Variants in XRCC6 observed in about 807,000 individuals in gnomAD.
XRCC6 encodes X-ray repair cross complementing 6.
A neutral mutation model predicts 65.7 loss-of-function variants in XRCC6; 5 were observed. The observed-to-expected ratio is 0.08, with a 90% CI of 0.04 to 0.16. The LOEUF is 0.16. Ranked by LOEUF, XRCC6 falls within the 10% of genes least tolerant of loss-of-function variation. The probability of loss-of-function intolerance (pLI) is 1.00; values close to 1 mark genes in which losing one functional copy is unlikely to be tolerated. For missense variants in XRCC6, 447 were observed against 738.1 expected (o/e 0.61, Z 4.57); for synonymous variants, 270 against 270.6 (o/e 1.00, Z 0.02).
At chr22:41,635,764 T>A (rs132773) in intron 3 of XRCC6, among the ~76,000 whole-genome samples, 126,013 of 151,712 alleles carry the variant, frequency 0.83, 53,298 homozygotes, top group African/African-American at 0.95. Flanking sequence ...CTGGTCTCGA[T>A]CTCCTAGGGT....
intron 6 of XRCC6, among the ~76,000 whole-genome samples, chr22:41,641,845 T>C (rs932568365): frequency 6.6e-6 from 1 of 152,184 alleles, no homozygotes; most frequent in African/African-American, 2.4e-5. Flanking sequence ...CAGGTTAGAC[T>C]GCAATGGCGC....
intron 2 of XRCC6, 68 bp from the exon 3 acceptor site, chr22:41,628,046 CTTTA>C (rs1421196533): frequency 1.9e-5 from 20 of 1,032,654 alleles, no homozygotes; most frequent in Admixed American, 7.0e-5. Context: ...CCTTTATGGC[CTTTA>C]TTTATCTTAT....
At chr22:41,643,150 G>T (rs1012402060) in intron 6 of XRCC6, among the ~76,000 whole-genome samples, 1 of 152,172 alleles carries the variant, frequency 6.6e-6, no homozygotes, top group Non-Finnish European at 1.5e-5. Flanking sequence ...GGTGGCTCAC[G>T]CCTGTAATCC....
intron 2 of XRCC6, among the ~76,000 whole-genome samples, chr22:41,625,266 C>T (rs1048020477): frequency 3.3e-5 from 5 of 152,108 alleles, no homozygotes; most frequent in South Asian, 2.1e-4. Context: ...ATCGCGTCAT[C>T]GCATGTTTAA....
intron 2 of XRCC6, among the ~76,000 whole-genome samples, chr22:41,624,073 C>A (rs2067641758): frequency 6.6e-6 from 1 of 151,662 alleles, no homozygotes; most frequent in Admixed American, 6.6e-5. Context: ...GTGGCTCACA[C>A]TTGTAATCTC....
At position 41,622,002 on chromosome 22, in the gene XRCC6, A is replaced by C. The variant is rs750105679; in HGVS notation, c.-3A>C. On this transcript the variant is annotated 5_prime_UTR_variant, in exon 2 of 13. Coordinates refer to ENST00000360079, the MANE Select transcript of XRCC6 (RefSeq NM_001469.5). ...GTCTTTCGCCTAGTGAGCAGTAGCC[A>C]ACATGTCAGGGTGGGAGTCATATTA... 6.2e-7 allele frequency: 1 copy of C among 1,614,272 alleles called. No individual in the cohort carries two copies. The highest frequency in any genetic ancestry group is 8.5e-7 in the Non-Finnish European group (1 of 1,180,036).
chr22:41,653,481 G>C (rs2068019206), intron 8 of XRCC6, 48 bp from the exon 9 acceptor site: 1 of 1,522,436 alleles, frequency 6.6e-7, no homozygotes, highest in Non-Finnish European at 8.9e-7. Flanking sequence ...AGAGAAGAAA[G>C]GAGGAAACCT....
intron 3 of XRCC6, among the ~76,000 whole-genome samples, chr22:41,633,850 G>A (rs1478362211): frequency 6.6e-6 from 1 of 152,186 alleles, no homozygotes; most frequent in African/African-American, 2.4e-5. Context: ...ATTCATAGAT[G>A]AGCACAATTT....
intron 3 of XRCC6, among the ~76,000 whole-genome samples, chr22:41,629,105 A>G (rs542541141): frequency 6.6e-6 from 1 of 152,150 alleles, no homozygotes; most frequent in Non-Finnish European, 1.5e-5. Context: ...CACCCACTAT[A>G]TAAACAAACT....
At chr22:41,641,423 G>A (rs1303442941) in intron 6 of XRCC6, among the ~76,000 whole-genome samples, 1 of 152,110 alleles carries the variant, frequency 6.6e-6, no homozygotes, top group Admixed American at 6.6e-5. Flanking sequence ...GCATAGATGG[G>A]TTATCTATCA....
intron 11 of XRCC6, among the ~76,000 whole-genome samples, chr22:41,660,144 A>G (rs560508751): frequency 8.5e-5 from 13 of 152,308 alleles, no homozygotes; most frequent in African/African-American, 3.1e-4. Context: ...GCTCCCCTCC[A>G]TGCTTGGCAA....
At chr22:41,655,726 C>T (rs968085282) in intron 9 of XRCC6, among the ~76,000 whole-genome samples, 1 of 151,382 alleles carries the variant, frequency 6.6e-6, no homozygotes, top group Non-Finnish European at 1.5e-5. Context: ...TTTTTTCCCC[C>T]CCTTCTTTTT....
At position 41,663,605 on chromosome 22, in the gene XRCC6, C is replaced by T. The variant is rs2068120098; in HGVS notation, c.1637-17C>T. Reference sequence around the variant, plus strand: ...ATGTAGCATTTCCAGTCACTCTCTCCTGACCTTTCCCCCCAGATAATGAAG... The same window carrying T: ...ATGTAGCATTTCCAGTCACTCTCTCTTGACCTTTCCCCCCAGATAATGAAG... On this transcript the variant is annotated splice_polypyrimidine_tract_variant and intron_variant, in intron 12 of 12. Coordinates refer to ENST00000360079, the MANE Select transcript of XRCC6 (RefSeq NM_001469.5). 2.5e-6 allele frequency: 4 copies of T among 1,607,888 alleles called. No homozygotes were observed. Among genetic ancestry groups the T allele is most frequent in the Non-Finnish European group, 3.4e-6 (4 of 1,175,476 alleles).
At chr22:41,627,392 C>T (rs1239674988) in intron 2 of XRCC6, among the ~76,000 whole-genome samples, 2 of 151,914 alleles carry the variant, frequency 1.3e-5, no homozygotes, top group East Asian at 1.9e-4. Context: ...GGGTGGATCA[C>T]CTGAGGCCGG....
In XRCC6 at chr22:41,636,242, G is replaced by T. The variant is rs960759558; in HGVS notation, c.325G>T (p.Asp109Tyr). The T allele has an allele frequency of 1.3e-6, 2 of 1,591,834 alleles. No individual in the cohort carries two copies. The highest frequency in any genetic ancestry group is 2.3e-5 in the South Asian group (2 of 87,086). ...FKNIYVLQEL[D>Y]NPGAKRILEL... ...AAATATTTACGTCTTACAGGAGCTG[G>T]ATAATCCAGGTCAGTAATATTTTAA... The change falls in exon 4 of 13, where the codon GAT becomes TAT. Residue 109 changes from aspartate (D) to tyrosine (Y), a missense_variant. Coordinates refer to ENST00000360079, the MANE Select transcript of XRCC6 (RefSeq NM_001469.5).
At chr22:41,645,846 G>T (rs1001754732) in intron 6 of XRCC6, among the ~76,000 whole-genome samples, 2 of 151,632 alleles carry the variant, frequency 1.3e-5, no homozygotes, top group African/African-American at 2.4e-5. Context: ...TAGACTGTGC[G>T]TGCGCCACCA....
Position 41,637,761 on chromosome 22 carries a change from C to A in XRCC6, c.743C>A (p.Ala248Asp), listed in dbSNP as rs758629534. The A allele has an allele frequency of 6.2e-7, 1 of 1,613,934 alleles. No homozygotes were observed. Among genetic ancestry groups the A allele is most frequent in the South Asian group, 1.1e-5 (1 of 91,056 alleles). The change falls in exon 6 of 13, where the codon GCC (alanine) becomes GAC (aspartate). Residue 248 changes from alanine (A) to aspartate (D), a missense_variant. By Grantham distance (126) the Ala-to-Asp change is moderately radical. Transcript: ENST00000360079. ...KLEDLLRKVRAKETRKRALSR... is the reference protein window; with the variant it reads ...KLEDLLRKVRDKETRKRALSR... ...GAAGACCTGTTGCGGAAGGTTCGCGCCAAGGAGACCAGGAAGCGAGCACTC... is the reference window on the plus strand; with the variant it reads ...GAAGACCTGTTGCGGAAGGTTCGCGACAAGGAGACCAGGAAGCGAGCACTC...
At chr22:41,628,031 A>G in intron 2 of XRCC6, 87 bp from the exon 3 acceptor site, 2 of 847,878 alleles carry the variant, frequency 2.4e-6, no homozygotes, top group South Asian at 3.5e-5. Context: ...ATTAGGTTAT[A>G]CTTTCCTTTA....
At chr22:41,631,800 A>G (rs1318840219) in intron 3 of XRCC6, among the ~76,000 whole-genome samples, 3 of 149,934 alleles carry the variant, frequency 2.0e-5, no homozygotes, top group Non-Finnish European at 4.4e-5. Flanking sequence ...AGGTTGTAGC[A>G]AGCCGAGATC....
Sources: gnomAD v4.1 joint callset for allele counts (sites outside exome capture counted in the v4.1 genomes callset) on GRCh38, gnomAD v4.1.1 for gene constraint, MANE v1.5 for transcripts, NCBI Gene and HGNC (gene_info 2026-07-23, HGNC 2026-07-21) for gene names.